TNFSF4: variants seen among roughly 807,000 people sequenced by gnomAD.
The protein encoded by TNFSF4 is TNF superfamily member 4.
Under a neutral mutation model 7.3 loss-of-function variants are expected in TNFSF4, and 4 were observed. That is an observed-to-expected ratio of 0.55 (90% CI 0.27 to 1.25). The LOEUF is 1.25. Among genes scored for constraint, TNFSF4 ranks in the 50% most tolerant of loss-of-function variants. The pLI is 0.12. For missense variants in TNFSF4, 181 were observed against 208.8 expected (o/e 0.87, Z 0.82); for synonymous variants, 76 against 83.7 (o/e 0.91, Z 0.50).
chr1:173,377,422 GA>G, the TNFSF4 span, among the ~76,000 whole-genome samples: 1 of 152,320 alleles, frequency 6.6e-6, no homozygotes, highest in South Asian at 2.1e-4. Context: ...AGGGTCGACA[GA>G]GAGGAAGGCC....
chr1:173,271,643 A>G, the TNFSF4 span, among the ~76,000 whole-genome samples: 3 of 152,148 alleles, frequency 2.0e-5, no homozygotes, highest in East Asian at 1.9e-4. Flanking sequence ...CAAAACCACA[A>G]TGAGATACCA....
the TNFSF4 span, among the ~76,000 whole-genome samples, chr1:173,447,506 C>A: frequency 3.9e-5 from 6 of 152,072 alleles, no homozygotes; most frequent in Non-Finnish European, 5.9e-5. Context: ...CATATGGGAA[C>A]TCTCTGTACT....
the TNFSF4 span, among the ~76,000 whole-genome samples, chr1:173,313,030 A>G: frequency 2.0e-5 from 3 of 152,090 alleles, no homozygotes; most frequent in Non-Finnish European, 4.4e-5. Flanking sequence ...CTGCATCACA[A>G]TTCTTTCTCT....
At chr1:173,337,147 C>T in the TNFSF4 span, among the ~76,000 whole-genome samples, 23 of 152,142 alleles carry the variant, frequency 1.5e-4, no homozygotes, top group African/African-American at 5.3e-4. Context: ...TTGGCAGGCT[C>T]TTATAGGTGT....
the TNFSF4 span, among the ~76,000 whole-genome samples, chr1:173,362,139 A>G: frequency 6.6e-6 from 1 of 152,252 alleles, no homozygotes; most frequent in East Asian, 1.9e-4. Context: ...GTTTTTTCTT[A>G]TCATCAATAC....
chr1:173,431,428 T>C, the TNFSF4 span, among the ~76,000 whole-genome samples: 1 of 152,228 alleles, frequency 6.6e-6, no homozygotes, highest in Non-Finnish European at 1.5e-5. Context: ...TTAAGAGCCA[T>C]GCGCTGATTG....
chr1:173,385,647 G>A, the TNFSF4 span, among the ~76,000 whole-genome samples: 1 of 152,170 alleles, frequency 6.6e-6, no homozygotes, highest in African/African-American at 2.4e-5. Flanking sequence ...AGACCAGCCT[G>A]GCCAACATAG....
chr1:173,245,203 T>C, the TNFSF4 span, among the ~76,000 whole-genome samples: 1 of 152,306 alleles, frequency 6.6e-6, no homozygotes, highest in African/African-American at 2.4e-5. Context: ...CATTACCTTC[T>C]TTTAAAAATG....
At chr1:173,317,076 G>A in the TNFSF4 span, among the ~76,000 whole-genome samples, 2 of 152,116 alleles carry the variant, frequency 1.3e-5, no homozygotes, top group Admixed American at 1.3e-4. Context: ...TGCAGTTTCT[G>A]GGCCTTTTGG....
At chr1:173,328,560 C>A in the TNFSF4 span, among the ~76,000 whole-genome samples, 1 of 126,934 alleles carries the variant, frequency 7.9e-6, no homozygotes, top group East Asian at 2.0e-4. Flanking sequence ...AAAAGTTTAC[C>A]CCCCCCCAAA....
the TNFSF4 span, among the ~76,000 whole-genome samples, chr1:173,262,461 G>A: frequency 2.6e-5 from 4 of 152,060 alleles, no homozygotes; most frequent in Admixed American, 2.0e-4. Context: ...ATTCAACCTA[G>A]TATTGGAAGT....
At chr1:173,391,528 C>T in the TNFSF4 span, among the ~76,000 whole-genome samples, 1 of 149,968 alleles carries the variant, frequency 6.7e-6, no homozygotes, top group South Asian at 2.1e-4. Context: ...CCTTAAATTC[C>T]TTAAGAGGTC....
At chr1:173,321,033 CA>C in the TNFSF4 span, among the ~76,000 whole-genome samples, 3 of 152,234 alleles carry the variant, frequency 2.0e-5, no homozygotes, top group Admixed American at 2.0e-4. Context: ...AAATCCTAAG[CA>C]AAAAGAACAA....
chr1:173,398,983 C>T, the TNFSF4 span, among the ~76,000 whole-genome samples: 2 of 152,166 alleles, frequency 1.3e-5, no homozygotes, highest in African/African-American at 4.8e-5. Flanking sequence ...AAGCTCTCGG[C>T]CTCCTACTGA....
chr1:173,231,622 A>C, the TNFSF4 span, among the ~76,000 whole-genome samples: 1 of 152,274 alleles, frequency 6.6e-6, no homozygotes, highest in African/African-American at 2.4e-5. Context: ...AAATAAATAA[A>C]AGGAATTTTA....
the TNFSF4 span, among the ~76,000 whole-genome samples, chr1:173,221,804 G>T: frequency 6.6e-6 from 1 of 152,182 alleles, no homozygotes; most frequent in Non-Finnish European, 1.5e-5. Context: ...CTCATTTTAT[G>T]TGATATTTTT....
the TNFSF4 span, among the ~76,000 whole-genome samples, chr1:173,414,231 G>A: frequency 6.6e-6 from 1 of 152,214 alleles, no homozygotes; most frequent in East Asian, 1.9e-4. Flanking sequence ...TTCTGTTTCT[G>A]GTAAAACCTC....
At chr1:173,279,998 C>A in the TNFSF4 span, among the ~76,000 whole-genome samples, 3 of 152,078 alleles carry the variant, frequency 2.0e-5, no homozygotes, top group Non-Finnish European at 4.4e-5. Flanking sequence ...CATCTCTTTT[C>A]AAACTTCTTG....
the TNFSF4 span, among the ~76,000 whole-genome samples, chr1:173,227,040 AC>A: frequency 6.6e-6 from 1 of 151,660 alleles, no homozygotes; most frequent in Non-Finnish European, 1.5e-5. Flanking sequence ...GGATAATACA[AC>A]TTAAGTTCTC....
Sources: gnomAD v4.1 joint callset for allele counts (sites outside exome capture counted in the v4.1 genomes callset) on GRCh38, gnomAD v4.1.1 for gene constraint, MANE v1.5 for transcripts, NCBI Gene and HGNC (gene_info 2026-07-23, HGNC 2026-07-21) for gene names.